PDZD2: variants seen among roughly 807,000 people sequenced by gnomAD.
PDZD2 encodes PDZ domain-containing protein 2.
In PDZD2, 90 loss-of-function variants were observed where a neutral mutation model predicts 220.7. The observed-to-expected ratio is 0.41, with a 90% CI of 0.34 to 0.49. The LOEUF is 0.49. Among genes scored for constraint, PDZD2 ranks in the 20% least tolerant of loss-of-function variants. The probability of loss-of-function intolerance (pLI) is 0.28; values close to 1 mark genes in which losing one functional copy is unlikely to be tolerated. For missense variants in PDZD2, 3,174 were observed against 3,608.5 expected (o/e 0.88, Z 3.08); for synonymous variants, 1,375 against 1,450.5 (o/e 0.95, Z 1.18).
intron 2 of PDZD2, among the ~76,000 whole-genome samples, chr5:31,814,892 T>C (rs1160382544): frequency 6.6e-6 from 1 of 151,898 alleles, no homozygotes; most frequent in African/African-American, 2.4e-5. Flanking sequence ...TAGGCGGTTG[T>C]GCAGGCCAAA....
At chr5:31,983,103 T>C (rs903992134) in intron 2 of PDZD2, 52 bp from the exon 3 acceptor site, 2 of 1,555,238 alleles carry the variant, frequency 1.3e-6, no homozygotes, top group Middle Eastern at 1.8e-4. Flanking sequence ...TCTGCTGTGC[T>C]GTCTAGGAAG....
intron 2 of PDZD2, among the ~76,000 whole-genome samples, chr5:31,936,583 A>G (rs984650375): frequency 1.3e-5 from 2 of 152,170 alleles, no homozygotes; most frequent in African/African-American, 4.8e-5. Flanking sequence ...AAAAAAAGAA[A>G]AAAAGCATGC....
chr5:31,726,032 A>G (rs981966279), intron 1 of PDZD2: 1 of 352,910 alleles, frequency 2.8e-6, no homozygotes, highest in Non-Finnish European at 5.1e-6. Context: ...AAGCGTGCTG[A>G]ACCGAGAAGG....
intron 5 of PDZD2, among the ~76,000 whole-genome samples, chr5:32,002,029 T>G (rs745351810): frequency 2.0e-5 from 3 of 152,216 alleles, no homozygotes; most frequent in Non-Finnish European, 4.4e-5. Flanking sequence ...CTGTTGTTAT[T>G]TCAAACCTGG....
chr5:32,104,771 A>G (rs1744600796), intron 24 of PDZD2, among the ~76,000 whole-genome samples: 2 of 150,856 alleles, frequency 1.3e-5, no homozygotes, highest in South Asian at 4.2e-4. Context: ...ATTATATGGC[A>G]AAATTTATAA....
intron 2 of PDZD2, among the ~76,000 whole-genome samples, chr5:31,806,826 A>G (rs1037992666): frequency 6.6e-6 from 1 of 152,192 alleles, no homozygotes; most frequent in African/African-American, 2.4e-5. Flanking sequence ...GGAATTAATT[A>G]AAACAAAACC....
chr5:32,032,583 C>T (rs1755210750), intron 6 of PDZD2, among the ~76,000 whole-genome samples: 1 of 152,180 alleles, frequency 6.6e-6, no homozygotes, highest in African/African-American at 2.4e-5. Context: ...TGGTTGTCAG[C>T]TTGCTGGTTT....
chr5:31,849,902 A>AC (rs1319495000), intron 2 of PDZD2, among the ~76,000 whole-genome samples: 1 of 34,050 alleles, frequency 2.9e-5, no homozygotes, highest in Non-Finnish European at 4.7e-5. Context: ...ATATATATAT[A>AC]TACATATATA....
chr5:31,962,328 C>A (rs1315196173), intron 2 of PDZD2, among the ~76,000 whole-genome samples: 2 of 152,158 alleles, frequency 1.3e-5, no homozygotes, highest in African/African-American at 2.4e-5. Context: ...TGGAGGCCGT[C>A]CCTTTTGAGA....
chr5:32,088,104 T>C lies in PDZD2; in HGVS notation c.4656T>C (p.Tyr1552=), dbSNP rs1316244689. The part of the protein sequence containing the change: ...DSTEPSLSSM[Y]GDAEDSSSDP... ...CGGAGCCGTCTCTGTCATCCATGTA[T>C]GGCGATGCTGAGGATTCTTCTTCTG... Residue 1552 remains tyrosine, a synonymous_variant, in exon 20 of 25, where the codon TAT becomes TAC. Coordinates refer to ENST00000438447, the MANE Select transcript of PDZD2 (RefSeq NM_178140.4). The surrounding 1 kb of genome is among the most constrained non-coding windows in gnomAD (Gnocchi z 4.6). 6.2e-7 allele frequency: 1 copy of C among 1,614,206 alleles called. No homozygotes were observed. The highest frequency in any genetic ancestry group is 1.7e-5 in the Admixed American group (1 of 60,028).
intron 21 of PDZD2, among the ~76,000 whole-genome samples, chr5:32,096,731 C>CT (rs1241919897): frequency 6.6e-6 from 1 of 151,568 alleles, no homozygotes; most frequent in Admixed American, 6.6e-5. Context: ...GCCACTGACG[C>CT]TTATCTTTCT....
At chr5:31,851,687 A>T (rs1758064635) in intron 2 of PDZD2, among the ~76,000 whole-genome samples, 1 of 152,204 alleles carries the variant, frequency 6.6e-6, no homozygotes, top group African/African-American at 2.4e-5. Flanking sequence ...ATCGTAGACC[A>T]CATGCTAAGC....
chr5:31,678,013 G>A (rs1746505991), intron 1 of PDZD2, among the ~76,000 whole-genome samples: 1 of 152,104 alleles, frequency 6.6e-6, no homozygotes, highest in South Asian at 2.1e-4. Flanking sequence ...TGTAAAGATG[G>A]TTTCATAGGT....
intron 6 of PDZD2, among the ~76,000 whole-genome samples, chr5:32,021,109 C>G (rs1225634069): frequency 1.3e-5 from 2 of 148,890 alleles, no homozygotes; most frequent in Non-Finnish European, 3.0e-5. Context: ...TCTTATGCAA[C>G]ATGGTAGCAC....
At chr5:31,831,433 G>C (rs1444503409) in intron 2 of PDZD2, among the ~76,000 whole-genome samples, 1 of 152,012 alleles carries the variant, frequency 6.6e-6, no homozygotes, top group African/African-American at 2.4e-5. Context: ...GGCCAACATG[G>C]TGAAACCCCG....
intron 1 of PDZD2, among the ~76,000 whole-genome samples, chr5:31,675,420 C>T (rs1432696067): frequency 2.6e-5 from 4 of 152,236 alleles, no homozygotes; most frequent in Non-Finnish European, 4.4e-5. Flanking sequence ...ATGGCCTCAG[C>T]TGCCCAGCTC....
rs114797556 is a variant in PDZD2, at chr5:32,051,679, A to G, written c.1666-932A>G. Among the ~76,000 whole-genome samples the G allele has an allele frequency of 8.3e-3, 1,262 of 152,284 alleles. 16 individuals carry two copies. The highest frequency in any genetic ancestry group is 0.029 in the African/African-American group (1,207 of 41,568). The stretch of plus-strand genomic sequence containing the variant: ...GTGTATATTATGGGTGATGGACACA[A>G]AAAAGGGGTGAGATTGGAGCTGCTG... On this transcript the variant is annotated intron_variant, in intron 8 of 24. Transcript: ENST00000438447.
At chr5:31,945,494 T>C (rs1024645331) in intron 2 of PDZD2, among the ~76,000 whole-genome samples, 1 of 152,158 alleles carries the variant, frequency 6.6e-6, no homozygotes, top group Admixed American at 6.5e-5. Flanking sequence ...GAGAACATCA[T>C]GTGGAATATG....
At chr5:31,807,327 G>A (rs1352837510) in intron 2 of PDZD2, among the ~76,000 whole-genome samples, 1 of 152,182 alleles carries the variant, frequency 6.6e-6, no homozygotes, top group Admixed American at 6.5e-5. Context: ...CTACTTAGTG[G>A]GTGTGTGATG....
Sources: gnomAD v4.1 joint callset for allele counts (sites outside exome capture counted in the v4.1 genomes callset) on GRCh38, gnomAD v4.1.1 for gene constraint, Gnocchi (gnomAD v3.1) non-coding constraint, MANE v1.5 for transcripts, NCBI Gene and HGNC (gene_info 2026-07-23, HGNC 2026-07-21) for gene names.